OR7E24: variants seen among roughly 807,000 people sequenced by gnomAD.
OR7E24 encodes the protein olfactory receptor 7E24.
For synonymous variants in OR7E24, 130 were observed against 157.5 expected, an observed-to-expected ratio of 0.83 and a Z score of 1.31; for missense variants, 385 against 410.3, an observed-to-expected ratio of 0.94 and a Z score of 0.53.
chr19:9,209,170 T>G, the OR7E24 span: 1 of 152,278 alleles, frequency 6.6e-6, no homozygotes, highest in Admixed American at 6.5e-5. Context: ...CAAACTTCAA[T>G]CGGGATAGAA....
chr19:9,237,862 A>G, the OR7E24 span, among the ~76,000 whole-genome samples: 1 of 152,228 alleles, frequency 6.6e-6, no homozygotes, highest in Admixed American at 6.5e-5. Context: ...TATGGTAATT[A>G]TATGTTTAAC....
rs1395435995 is a variant in OR7E24, at chr19:9,251,565, C to T, written c.522C>T (p.Ser174=). ...LLSFFISLLD[S]QLHNLIMLQL... ...CTTTTTTTATTAGTCTTTTGGACTCCCAGTTGCACAATTTGATTATGTTAC... is the reference window on the plus strand; with the variant it reads ...CTTTTTTTATTAGTCTTTTGGACTCTCAGTTGCACAATTTGATTATGTTAC... Residue 174 remains serine (S), a synonymous_variant, in exon 1 of 1, where the codon TCC becomes TCT. Transcript: ENST00000456448. The T allele has an allele frequency of 6.2e-7, 1 of 1,613,914 alleles. No homozygotes were observed. Among genetic ancestry groups the T allele is most frequent in the Admixed American group, 1.7e-5 (1 of 59,998 alleles).
At chr19:9,213,326 A>G in the OR7E24 span, 1 of 152,524 alleles carries the variant, frequency 6.6e-6, no homozygotes, top group African/African-American at 2.4e-5. Flanking sequence ...ATGGAACTTT[A>G]TGGGAAACAT....
the OR7E24 span, among the ~76,000 whole-genome samples, chr19:9,239,383 A>G: frequency 1.3e-5 from 2 of 152,104 alleles, no homozygotes; most frequent in African/African-American, 2.4e-5. Flanking sequence ...CGTGTTAGCC[A>G]GGATGGTCTT....
the OR7E24 span, chr19:9,236,055 C>T: frequency 1.9e-6 from 3 of 1,581,976 alleles, no homozygotes; most frequent in Non-Finnish European, 2.6e-6. Context: ...TGGGGAGACT[C>T]CTTAGCAGGG....
upstream of OR7E24, among the ~76,000 whole-genome samples, chr19:9,246,466 T>TTGTGTGTGTGTGTGTG (rs34518365): frequency 1.1e-4 from 14 of 130,986 alleles, no homozygotes; most frequent in Admixed American, 1.5e-4. Context: ...CTTAAAGGTA[T>TTGTGTGTGTGTGTGTG]TGTGTGTGTG....
upstream of OR7E24, among the ~76,000 whole-genome samples, chr19:9,249,343 C>G (rs2066138870): frequency 1.3e-5 from 2 of 152,178 alleles, no homozygotes; most frequent in African/African-American, 4.8e-5. Flanking sequence ...TTCCTTAGTT[C>G]ACAAAACTGG....
chr19:9,207,125 C>T, the OR7E24 span: 1 of 152,126 alleles, frequency 6.6e-6, no homozygotes, highest in African/African-American at 2.4e-5. Context: ...TGTCATTATG[C>T]TGGGAATTTT....
At chr19:9,235,919 A>C in the OR7E24 span, 17 of 1,606,404 alleles carry the variant, frequency 1.1e-5, no homozygotes, top group Admixed American at 1.3e-4. Context: ...CTTGGGGTCT[A>C]TCTCAGTTCT....
At chr19:9,242,205 A>G in the OR7E24 span, among the ~76,000 whole-genome samples, 2 of 152,126 alleles carry the variant, frequency 1.3e-5, no homozygotes, top group African/African-American at 4.8e-5. Flanking sequence ...GTTGCTTTAC[A>G]TGTATGGCTT....
the OR7E24 span, chr19:9,235,972 A>T: frequency 6.2e-7 from 1 of 1,611,596 alleles, no homozygotes; most frequent in Non-Finnish European, 8.5e-7. Flanking sequence ...GGCCTCAGTG[A>T]TGTACGCCAT....
Position 9,251,776 on chromosome 19 carries a change from A to ATGAT in OR7E24, c.721_722insTGAT (p.Arg241MetfsTer11). 3 of 1,612,132 alleles carry ATGAT rather than the reference A, an allele frequency of 1.9e-6. No individual in the cohort carries two copies. The highest frequency in any genetic ancestry group is 2.5e-6 in the Non-Finnish European group (3 of 1,179,028). ...CTATAAAATTGTTTCCCCCATTCTG[A>ATGAT]GAGTTCCAACATCAGATGGGAAGTA... On this transcript the variant is annotated frameshift_variant, in exon 2 of 2. Transcript: ENST00000641946. LOFTEE classifies it low-confidence loss of function (END_TRUNC).
At chr19:9,216,735 G>A in the OR7E24 span, among the ~76,000 whole-genome samples, 1 of 152,050 alleles carries the variant, frequency 6.6e-6, no homozygotes, top group Non-Finnish European at 1.5e-5. Context: ...GGGACCACAG[G>A]CATGCACCAC....
In OR7E24 at chr19:9,251,389, C is replaced by G. The variant is rs2066146708; in HGVS notation, c.346C>G (p.Leu116Val). ...HSRVISYEGC[L>V]TQMSFFVLFA... The stretch of plus-strand genomic sequence containing the variant: ...CAGAGTCATCTCCTATGAAGGCTGC[C>G]TGACTCAGATGTCTTTTTTTGTCCT... The change falls in exon 1 of 1, where the codon CTG becomes GTG. Residue 116 changes from leucine to valine, a missense_variant. Physicochemically the swap from Leu to Val is conservative, Grantham distance 32 (BLOSUM62 1). Coordinates refer to ENST00000456448, the MANE Select transcript of OR7E24 (RefSeq NM_001079935.2). 1.2e-6 allele frequency: 2 copies of G among 1,613,990 alleles called. No homozygotes were observed. The highest frequency in any genetic ancestry group is 1.3e-5 in the African/African-American group (1 of 74,914).
the OR7E24 span, chr19:9,219,505 T>C: frequency 6.6e-6 from 1 of 152,236 alleles, no homozygotes; most frequent in Non-Finnish European, 1.5e-5. Flanking sequence ...TTTTCCTTCT[T>C]ACCCCACCAG....
chr19:9,213,968 G>A, the OR7E24 span: 4 of 1,614,182 alleles, frequency 2.5e-6, no homozygotes, highest in East Asian at 6.7e-5. Flanking sequence ...TCCTCAGGCT[G>A]TAGATGAAGG....
the OR7E24 span, chr19:9,208,079 C>T: frequency 6.6e-6 from 1 of 151,372 alleles, no homozygotes; most frequent in Non-Finnish European, 1.5e-5. Context: ...CTCTGTCACC[C>T]AGGCTGGAGT....
At chr19:9,209,979 A>G in the OR7E24 span, 1 of 152,212 alleles carries the variant, frequency 6.6e-6, no homozygotes, top group Non-Finnish European at 1.5e-5. Flanking sequence ...CTATTGAACA[A>G]GTTCATCTGT....
At chr19:9,217,383 A>T in the OR7E24 span, among the ~76,000 whole-genome samples, 1 of 152,226 alleles carries the variant, frequency 6.6e-6, no homozygotes, top group Non-Finnish European at 1.5e-5. Context: ...TTCATGATGG[A>T]AAAAAGGTTG....
Sources: gnomAD v4.1 joint callset for allele counts (sites outside exome capture counted in the v4.1 genomes callset) on GRCh38, gnomAD v4.1.1 for gene constraint, MANE v1.5 for transcripts, NCBI Gene and HGNC (gene_info 2026-07-23, HGNC 2026-07-21) for gene names.